COPG2: variants seen among roughly 807,000 people sequenced by gnomAD.
COPG2 encodes the protein coatomer subunit gamma-2.
A neutral mutation model predicts 46.3 loss-of-function variants in COPG2; 37 were observed. The observed-to-expected ratio is 0.80, with a 90% CI of 0.61 to 1.05. COPG2 has a LOEUF of 1.05. Ranked by LOEUF, COPG2 falls within the 50% of genes least tolerant of loss-of-function variation. COPG2 has a pLI of 0.00. For missense variants in COPG2, 427 were observed against 387.8 expected, an observed-to-expected ratio of 1.10 and a Z score of -0.85; for synonymous variants, 159 against 129.7, an observed-to-expected ratio of 1.23 and a Z score of -1.53.
At chr7:130,510,403 G>T (rs1202479161) in intron 20 of COPG2, among the ~76,000 whole-genome samples, 1 of 152,188 alleles carries the variant, frequency 6.6e-6, no homozygotes, top group African/African-American at 2.4e-5. Context: ...CAGGTCAGGT[G>T]AGGCATTTTT....
chr7:130,596,695 C>G (rs1012863498), intron 9 of COPG2, among the ~76,000 whole-genome samples: 1 of 152,164 alleles, frequency 6.6e-6, no homozygotes, highest in Non-Finnish European at 1.5e-5. Context: ...CCATTGGCAT[C>G]TGGGGACTCC....
At chr7:130,641,737 C>G (rs1795493154) in intron 5 of COPG2, among the ~76,000 whole-genome samples, 1 of 152,172 alleles carries the variant, frequency 6.6e-6, no homozygotes, top group African/African-American at 2.4e-5. Flanking sequence ...TCAGGAACAG[C>G]TGCACCATTC....
intron 4 of COPG2, among the ~76,000 whole-genome samples, chr7:130,654,894 T>G (rs1027304645): frequency 1.3e-5 from 2 of 152,066 alleles, no homozygotes; most frequent in Non-Finnish European, 2.9e-5. Flanking sequence ...TGCAGTGTAG[T>G]TTTCATTTTA....
chr7:130,601,413 C>G (rs978035347), intron 9 of COPG2, among the ~76,000 whole-genome samples: 3 of 152,186 alleles, frequency 2.0e-5, no homozygotes, highest in African/African-American at 7.2e-5. Flanking sequence ...GGAACCAACC[C>G]AAATGCCCAT....
chr7:130,510,127 T>C (rs1554440844), intron 20 of COPG2: 1 of 520,144 alleles, frequency 1.9e-6, no homozygotes, highest in Admixed American at 1.9e-5. Flanking sequence ...AGGTTAGAGA[T>C]AAGCTAGATA....
At chr7:130,582,395 T>C (rs1794169468) in intron 9 of COPG2, among the ~76,000 whole-genome samples, 2 of 149,492 alleles carry the variant, frequency 1.3e-5, no homozygotes, top group Admixed American at 1.3e-4. Context: ...ATAAAAACCC[T>C]AGAAGAAAAC....
At position 130,549,385 on chromosome 7, in the gene COPG2, A is replaced by G. The variant is rs1374309985; in HGVS notation, c.1775-9T>C. The G allele has an allele frequency of 1.0e-5, 4 of 398,486 alleles. No individual in the cohort carries two copies. In the East Asian group the frequency reaches 1.4e-4, roughly 14 times the overall value. The allele number at this position is 398,486 out of a possible 1,614,324, so 24.7% of individuals were successfully genotyped here. On this transcript the variant is annotated splice_polypyrimidine_tract_variant and intron_variant, in intron 17 of 23. Coordinates refer to ENST00000425248, the MANE Select transcript of COPG2 (RefSeq NM_012133.6). ...AGCCACAAGTGTGATTTCTATAAAGACAGATATGAGCAAGTAAGTGAACTT... is the reference window on the plus strand; with the variant it reads ...AGCCACAAGTGTGATTTCTATAAAGGCAGATATGAGCAAGTAAGTGAACTT...
intron 20 of COPG2, among the ~76,000 whole-genome samples, chr7:130,535,669 T>A: frequency 8.2e-6 from 1 of 121,218 alleles, no homozygotes. Context: ...TGGGGTGGGG[T>A]TTGGGTATGG....
chr7:130,598,106 A>C (rs182278733), intron 9 of COPG2, among the ~76,000 whole-genome samples: 2 of 152,194 alleles, frequency 1.3e-5, no homozygotes, highest in East Asian at 3.9e-4. Context: ...AAGCTGGGAC[A>C]TTAGAGCAAG....
intron 20 of COPG2, among the ~76,000 whole-genome samples, chr7:130,519,982 G>A (rs1463744873): frequency 1.3e-5 from 2 of 152,076 alleles, no homozygotes; most frequent in Admixed American, 6.5e-5. Flanking sequence ...AGAAGGAGAT[G>A]AATTAAGATA....
intron 5 of COPG2, among the ~76,000 whole-genome samples, chr7:130,632,290 T>G (rs1253413269): frequency 1.3e-5 from 2 of 152,222 alleles, no homozygotes; most frequent in Non-Finnish European, 2.9e-5. Context: ...TGTTCCACTG[T>G]TTTTAGACTT....
intron 9 of COPG2, among the ~76,000 whole-genome samples, chr7:130,600,251 T>C (rs1191486019): frequency 6.6e-6 from 1 of 152,140 alleles, no homozygotes; most frequent in Non-Finnish European, 1.5e-5. Context: ...CAAAATTCCA[T>C]TTTGTCATTT....
chr7:130,598,955 T>C (rs1794581874), intron 9 of COPG2, among the ~76,000 whole-genome samples: 1 of 152,184 alleles, frequency 6.6e-6, no homozygotes, highest in Admixed American at 6.5e-5. Context: ...GTCTTCTAGG[T>C]TGCAAAGTTC....
rs961195185 is a variant in COPG2, at chr7:130,664,784, G to A, written c.172-1746C>T. Among the ~76,000 whole-genome samples the A allele has an allele frequency of 7.2e-5, 11 of 152,290 alleles. No homozygotes were observed. In the East Asian group the frequency reaches 2.1e-3, roughly 29 times the overall value. ...GATTTGGCCAACTTAGACACAATGT[G>A]TGCTATGAAAAGTTAAACCCAATTG... On this transcript the variant is annotated intron_variant, in intron 3 of 23. Transcript: ENST00000425248.
chr7:130,667,381 T>C, intron 2 of COPG2, 101 bp downstream of exon 2: 6 of 909,544 alleles, frequency 6.6e-6, no homozygotes, highest in Non-Finnish European at 1.0e-5. Context: ...CTGTTACGTT[T>C]CTTGTTTTGC....
intron 5 of COPG2, among the ~76,000 whole-genome samples, chr7:130,622,616 C>T (rs1554453753): frequency 6.6e-6 from 1 of 152,198 alleles, no homozygotes; most frequent in African/African-American, 2.4e-5. Flanking sequence ...GTGAGTGGAA[C>T]ATAGTTCAAT....
At chr7:130,634,212 T>C (rs542315) in intron 5 of COPG2, among the ~76,000 whole-genome samples, 1 of 152,214 alleles carries the variant, frequency 6.6e-6, no homozygotes, top group African/African-American at 2.4e-5. Flanking sequence ...GGATCTTTTT[T>C]GGTTCCATAT....
intron 20 of COPG2, among the ~76,000 whole-genome samples, chr7:130,526,486 A>G (rs1331980566): frequency 6.6e-6 from 1 of 152,072 alleles, no homozygotes; most frequent in Non-Finnish European, 1.5e-5. Flanking sequence ...AAGTGGGACG[A>G]TAAGGCAGCG....
chr7:130,659,633 G>C (rs560633817), intron 4 of COPG2, among the ~76,000 whole-genome samples: 1 of 152,176 alleles, frequency 6.6e-6, no homozygotes, highest in East Asian at 1.9e-4. Context: ...AACACTGCAG[G>C]CTGGGTGTGG....
Sources: gnomAD v4.1 joint callset for allele counts (sites outside exome capture counted in the v4.1 genomes callset) on GRCh38, gnomAD v4.1.1 for gene constraint, MANE v1.5 for transcripts, NCBI Gene and HGNC (gene_info 2026-07-23, HGNC 2026-07-21) for gene names.